The following CAMK2D variants were observed in gnomAD, a reference collection of about 807,000 sequenced individuals.
The protein encoded by CAMK2D is calcium/calmodulin dependent protein kinase II delta.
A neutral mutation model predicts 84.0 loss-of-function variants in CAMK2D; 37 were observed. The observed-to-expected ratio is 0.44, with a 90% CI of 0.34 to 0.58. The LOEUF is 0.58. Ranked by LOEUF, CAMK2D falls within the 20% of genes least tolerant of loss-of-function variation. CAMK2D has a pLI of 0.02. For missense variants in CAMK2D, 448 were observed against 652.5 expected (o/e 0.69, Z 3.41); for synonymous variants, 202 against 212.5 (o/e 0.95, Z 0.43).
chr4:113,573,966 CTTACCTT>C (rs1213469470), intron 4 of CAMK2D, among the ~76,000 whole-genome samples: 1 of 152,208 alleles, frequency 6.6e-6, no homozygotes, highest in Non-Finnish European at 1.5e-5. Flanking sequence ...CTATTACTCT[CTTACCTT>C]TTAACTATCT....
intron 8 of CAMK2D, among the ~76,000 whole-genome samples, chr4:113,520,262 A>G (rs986311636): frequency 2.6e-5 from 4 of 151,678 alleles, no homozygotes; most frequent in Non-Finnish European, 4.4e-5. Context: ...AAAAAAATTA[A>G]CCGGGCATGG....
chr4:113,581,454 G>A (rs920721312), intron 4 of CAMK2D, among the ~76,000 whole-genome samples: 1 of 147,482 alleles, frequency 6.8e-6, no homozygotes, highest in Non-Finnish European at 1.5e-5. Flanking sequence ...CGGAGGTTGC[G>A]GTGAGCCAAG....
intron 13 of CAMK2D, among the ~76,000 whole-genome samples, chr4:113,506,474 G>C (rs1449310827): frequency 6.6e-6 from 1 of 151,926 alleles, no homozygotes; most frequent in Admixed American, 6.6e-5. Context: ...TTAAATCAAA[G>C]TGCACAGAAT....
chr4:113,581,529 A>AAG (rs1553973874), intron 4 of CAMK2D, among the ~76,000 whole-genome samples: 1 of 121,878 alleles, frequency 8.2e-6, no homozygotes, highest in Non-Finnish European at 1.6e-5. Flanking sequence ...AAAAAAAAAA[A>AAG]AAAAGAAAAG....
intron 2 of CAMK2D, chr4:113,754,990 A>G: frequency 6.1e-6 from 6 of 984,606 alleles, no homozygotes; most frequent in Non-Finnish European, 7.2e-6. Context: ...CAAATCAATA[A>G]TGTATAATCA....
chr4:113,494,475 C>G (rs2097897285), intron 16 of CAMK2D, among the ~76,000 whole-genome samples: 1 of 152,166 alleles, frequency 6.6e-6, no homozygotes, highest in Non-Finnish European at 1.5e-5. Context: ...CAGGGACCCA[C>G]TTGAGGAGGC....
chr4:113,578,222 GC>G (rs2098792950), intron 4 of CAMK2D, among the ~76,000 whole-genome samples: 1 of 152,134 alleles, frequency 6.6e-6, no homozygotes, highest in Non-Finnish European at 1.5e-5. Flanking sequence ...GTCATAGTCA[GC>G]CCCTTTGTTC....
rs35129999 is a variant in CAMK2D at position 113,542,714 on chromosome 4, C to CAA, written c.414+4928_414+4929dup. Among the ~76,000 whole-genome samples the CAA allele has an allele frequency of 8.5e-4, 116 of 136,562 alleles. 1 individual carries two copies. The highest frequency in any genetic ancestry group is 1.3e-3 in the African/African-American group (49 of 38,052). The allele number at this position is 136,562 out of a possible 152,430, so 89.6% of individuals were successfully genotyped here. A position where few individuals can be genotyped will look rare whatever the true frequency, so the allele number is the denominator to read the frequency against. ...TGGGCAACAGAGCGAGATTCCGTCT[C>CAA]AAAAAAAAAAAAAAAATTTACTAAG... On this transcript the variant is annotated intron_variant, in intron 6 of 20. Coordinates refer to ENST00000511664, the MANE Select transcript of CAMK2D (RefSeq NM_001321571.2).
intron 4 of CAMK2D, among the ~76,000 whole-genome samples, chr4:113,582,183 C>G (rs2098813547): frequency 6.6e-6 from 1 of 152,150 alleles, no homozygotes; most frequent in Non-Finnish European, 1.5e-5. Context: ...ACATTTGATC[C>G]AATAAATTGT....
chr4:113,529,902 C>T (rs970252206), intron 8 of CAMK2D, among the ~76,000 whole-genome samples: 3 of 152,190 alleles, frequency 2.0e-5, no homozygotes, highest in African/African-American at 7.2e-5. Flanking sequence ...GAGCAATGCT[C>T]CACATCCCTG....
At chr4:113,757,204 A>G (rs1165780651) in intron 2 of CAMK2D, among the ~76,000 whole-genome samples, 1 of 152,178 alleles carries the variant, frequency 6.6e-6, no homozygotes, top group African/African-American at 2.4e-5. Context: ...CACTGGATTT[A>G]TAAGTTCTTT....
chr4:113,702,112 T>C (rs2099419846), intron 2 of CAMK2D, among the ~76,000 whole-genome samples: 1 of 152,214 alleles, frequency 6.6e-6, no homozygotes, highest in South Asian at 2.1e-4. Flanking sequence ...TTCTATATCA[T>C]ACAATGCCTG....
chr4:113,689,553 C>T (rs910526389), intron 2 of CAMK2D, among the ~76,000 whole-genome samples: 1 of 152,164 alleles, frequency 6.6e-6, no homozygotes, highest in Non-Finnish European at 1.5e-5. Context: ...TACATTAGTG[C>T]CCTTTCTTTG....
chr4:113,656,812 G>T (rs534450261), intron 3 of CAMK2D, among the ~76,000 whole-genome samples: 4 of 152,024 alleles, frequency 2.6e-5, no homozygotes, highest in Non-Finnish European at 5.9e-5. Context: ...CTGACAAAAC[G>T]CTCTAAAGCA....
chr4:113,523,010 C>T (rs543737165), intron 8 of CAMK2D, among the ~76,000 whole-genome samples: 9 of 152,194 alleles, frequency 5.9e-5, no homozygotes, highest in Admixed American at 2.6e-4. Context: ...TTTAAGAAGA[C>T]GGCAGCTAGC....
chr4:113,459,520 T>C (rs1445377392), intron 18 of CAMK2D, among the ~76,000 whole-genome samples: 1 of 152,082 alleles, frequency 6.6e-6, no homozygotes, highest in East Asian at 1.9e-4. Flanking sequence ...CCAGCGTGCC[T>C]GCCTAATTTT....
chr4:113,614,820 T>C (rs75516548), intron 3 of CAMK2D, among the ~76,000 whole-genome samples: 7,895 of 152,144 alleles, frequency 0.052, 274 homozygotes, highest in Non-Finnish European at 0.073. Context: ...CTCAAATACG[T>C]TTTTCAATAT....
At chr4:113,545,355 AT>A (rs2098558004) in intron 6 of CAMK2D, among the ~76,000 whole-genome samples, 1 of 152,218 alleles carries the variant, frequency 6.6e-6, no homozygotes, top group South Asian at 2.1e-4. Flanking sequence ...ATGTGGACAA[AT>A]TAAACTATGT....
At chr4:113,581,379 G>A (rs917519696) in intron 4 of CAMK2D, among the ~76,000 whole-genome samples, 1 of 151,964 alleles carries the variant, frequency 6.6e-6, no homozygotes, top group Non-Finnish European at 1.5e-5. Context: ...CAAGTGTGGT[G>A]GCACATGCCT....
Sources: gnomAD v4.1 joint callset for allele counts (sites outside exome capture counted in the v4.1 genomes callset) on GRCh38, gnomAD v4.1.1 for gene constraint, MANE v1.5 for transcripts, NCBI Gene and HGNC (gene_info 2026-07-23, HGNC 2026-07-21) for gene names.